The following STON1 variants were observed in gnomAD, a reference collection of about 807,000 sequenced individuals.
STON1 encodes the protein stonin 1.
In STON1, 79 loss-of-function variants were observed where a neutral mutation model predicts 60.9. The ratio of observed to expected loss-of-function variants is 1.30; its 90% confidence interval spans 1.08 to 1.56. The LOEUF (loss-of-function observed/expected upper bound fraction) is 1.56, where lower values mean the gene tolerates loss of function less well. Among genes scored for constraint, STON1 ranks in the 40% most tolerant of loss-of-function variants. The pLI, the probability that STON1 is intolerant of heterozygous loss-of-function variation, is 0.00. For synonymous variants in STON1, 363 were observed against 306.9 expected (o/e 1.18, Z -1.91); for missense variants, 1,166 against 858.9 (o/e 1.36, Z -4.47).
chr2:48,564,429 TTCTTCTTC>T (rs1672752828), intron 1 of STON1, among the ~76,000 whole-genome samples: 1 of 44,576 alleles, frequency 2.2e-5, no homozygotes, highest in Non-Finnish European at 4.9e-5. Flanking sequence ...CTTCTTCTTC[TTCTTCTTC>T]TTCTTCTTCT....
intron 1 of STON1, among the ~76,000 whole-genome samples, chr2:48,540,278 C>G (rs1039367467): frequency 2.0e-5 from 3 of 152,324 alleles, no homozygotes; most frequent in East Asian, 1.9e-4. Flanking sequence ...TAACACCCCA[C>G]AGCCCTTGTT....
At chr2:48,536,394 A>C (rs768771976) in intron 1 of STON1, among the ~76,000 whole-genome samples, 3 of 151,810 alleles carry the variant, frequency 2.0e-5, no homozygotes, top group Non-Finnish European at 2.9e-5. Flanking sequence ...CTAAAAATAC[A>C]AAAATTAGCC....
intron 1 of STON1, among the ~76,000 whole-genome samples, chr2:48,559,858 C>T (rs920967904): frequency 1.3e-5 from 2 of 152,130 alleles, no homozygotes; most frequent in African/African-American, 2.4e-5. Context: ...GTACCAGAAC[C>T]TTTGGCCAAC....
At chr2:48,580,481 A>C (rs1673808722) in intron 1 of STON1, 106 bp from the exon 2 acceptor site, 1 of 1,151,636 alleles carries the variant, frequency 8.7e-7, no homozygotes, top group Non-Finnish European at 1.1e-6. Flanking sequence ...CTTAGCCACC[A>C]ACAGAATTAT....
At chr2:48,587,186 G>A (rs1278258142) in intron 2 of STON1, among the ~76,000 whole-genome samples, 1 of 152,244 alleles carries the variant, frequency 6.6e-6, no homozygotes, top group Admixed American at 6.5e-5. Context: ...TGCAGCCGGG[G>A]TTGAGAACTA....
At position 48,579,544 on chromosome 2, in the gene STON1, T is replaced by G. The variant is rs1457796214; in HGVS notation, c.-47-1043T>G. ...GAATTTTTTAGTTTTCCTTCTATTA[T>G]TAATTTCTAGTTTTATTCCATTGTG... On this transcript the variant is annotated intron_variant, in intron 1 of 3. Transcript: ENST00000404752. 2.0e-5 allele frequency among the ~76,000 whole-genome samples: 3 copies of G among 152,124 alleles called. No homozygotes were observed. In the East Asian group the frequency reaches 5.8e-4, roughly 29 times the overall value.
chr2:48,570,843 GTTTTTTTTTT>G lies in STON1; in HGVS notation c.-47-9725_-47-9716del, dbSNP rs70946811. On this transcript the variant is annotated intron_variant, in intron 1 of 3. Coordinates refer to ENST00000404752, the MANE Select transcript of STON1 (RefSeq NM_006873.4). Reference sequence around the variant, plus strand: ...ATCTTGATGTCTCAACTGTCTCTGAGTTTTTTTTTTTTTTTTTTTTTTTTTTTTGTCTTTC... The same window carrying G: ...ATCTTGATGTCTCAACTGTCTCTGAGTTTTTTTTTTTTTTTTTTGTCTTTC... 4.0e-4 allele frequency among the ~76,000 whole-genome samples: 31 copies of G among 77,114 alleles called. No individual in the cohort carries two copies. The East Asian group carries it at 8.5e-3, about 21-fold the overall frequency. 50.6% of individuals were successfully genotyped at this position (77,114 alleles called of 152,430 possible). A position where few individuals can be genotyped will look rare whatever the true frequency, so the allele number is the denominator to read the frequency against.
chr2:48,571,312 A>G (rs943489215), intron 1 of STON1, among the ~76,000 whole-genome samples: 2 of 152,290 alleles, frequency 1.3e-5, no homozygotes, highest in Non-Finnish European at 1.5e-5. Flanking sequence ...TTTGCTTCAG[A>G]GGAAGGCAGC....
intron 1 of STON1, among the ~76,000 whole-genome samples, chr2:48,546,420 T>G (rs1281428023): frequency 6.6e-6 from 1 of 152,228 alleles, no homozygotes; most frequent in African/African-American, 2.4e-5. Context: ...CATATCAGCC[T>G]TCAAGATTTA....
intron 1 of STON1, among the ~76,000 whole-genome samples, chr2:48,564,495 CTT>C (rs1672802476): frequency 4.3e-5 from 1 of 23,252 alleles, no homozygotes; most frequent in Non-Finnish European, 8.0e-5. Context: ...TCTTCTTCTT[CTT>C]CTTCTTCTTC....
chr2:48,576,185 C>CTTTTTTTTT lies in STON1; in HGVS notation c.-47-4385_-47-4377dup, dbSNP rs34849002. On this transcript the variant is annotated intron_variant, in intron 1 of 3. Coordinates refer to ENST00000404752, the MANE Select transcript of STON1 (RefSeq NM_006873.4). ...TTGCCAAGATTTGTTGTTTTCCTTT[C>CTTTTTTTTT]TTTTTTTTTTTTTTTTTTTTTTTTT... Among the ~76,000 whole-genome samples the CTTTTTTTTT allele has an allele frequency of 1.5e-3, 95 of 63,078 alleles. 4 individuals carry two copies. The highest frequency in any genetic ancestry group is 2.5e-3 in the African/African-American group (35 of 14,000). The allele number at this position is 63,078 out of a possible 152,430, so 41.4% of individuals were successfully genotyped here. A position where few individuals can be genotyped will look rare whatever the true frequency, so the allele number is the denominator to read the frequency against.
At position 48,581,891 on chromosome 2, in the gene STON1, G is replaced by T. The variant is rs144412674; in HGVS notation, c.1258G>T (p.Val420Leu). Residue 420 changes from valine (V) to leucine (L), a missense_variant, in exon 2 of 4, where the codon GTG becomes TTG. By Grantham distance (32) the Val-to-Leu change is conservative. Transcript: ENST00000404752. ...YEEQEISLEI[V>L]DNFWGKVTKE... ...GGAGCAAGAAATTTCCTTGGAAATT[G>T]TGGACAACTTTTGGGGTAAAGTCAC... 10 of 1,614,008 alleles carry T rather than the reference G, an allele frequency of 6.2e-6. No homozygotes were observed. In the Admixed American group the frequency reaches 1.2e-4, roughly 19 times the overall value.
At chr2:48,576,081 T>A (rs1673478870) in intron 1 of STON1, among the ~76,000 whole-genome samples, 1 of 151,728 alleles carries the variant, frequency 6.6e-6, no homozygotes, top group South Asian at 2.1e-4. Context: ...TTTGAGGGCC[T>A]TCCATATTGT....
intron 1 of STON1, among the ~76,000 whole-genome samples, chr2:48,569,918 C>A (rs939969633): frequency 6.6e-6 from 1 of 152,142 alleles, no homozygotes; most frequent in Non-Finnish European, 1.5e-5. Flanking sequence ...TGGAGCAATT[C>A]AGATTTTGTG....
At chr2:48,564,444 T>C (rs1403932347) in intron 1 of STON1, among the ~76,000 whole-genome samples, 1 of 50,968 alleles carries the variant, frequency 2.0e-5, no homozygotes, top group African/African-American at 7.4e-5. Context: ...CTTCTTCTTC[T>C]TCTTCTTCTT....
At position 48,595,461 on chromosome 2, in the gene STON1, AATCTGT is replaced by A; in HGVS notation, c.*162_*167del. 1 of 601,838 alleles carries A rather than the reference AATCTGT, an allele frequency of 1.7e-6. No homozygotes were observed. The highest frequency in any genetic ancestry group is 2.9e-6 in the Non-Finnish European group (1 of 350,170). The allele number at this position is 601,838 out of a possible 1,614,324, so 37.3% of individuals were successfully genotyped here. On this transcript the variant is annotated 3_prime_UTR_variant, in exon 4 of 4. Coordinates refer to ENST00000404752, the MANE Select transcript of STON1 (RefSeq NM_006873.4). ...GAGAAGTTTAGACCTAAAACCGAAC[AATCTGT>A]ATTTTTTGCTTTTCATGTGTTTTTG...
chr2:48,583,845 G>T (rs920298776), intron 2 of STON1, among the ~76,000 whole-genome samples: 1 of 150,668 alleles, frequency 6.6e-6, no homozygotes, highest in Non-Finnish European at 1.5e-5. Context: ...TCCGCCTCTC[G>T]GGTTCAAGTG....
intron 1 of STON1, among the ~76,000 whole-genome samples, chr2:48,545,193 A>G (rs1385225957): frequency 6.6e-6 from 1 of 152,140 alleles, no homozygotes. Flanking sequence ...CTAGGTCAAC[A>G]TTTTTATTCG....
chr2:48,538,434 A>G (rs1008568483), intron 1 of STON1, among the ~76,000 whole-genome samples: 5 of 152,014 alleles, frequency 3.3e-5, no homozygotes, highest in Non-Finnish European at 5.9e-5. Context: ...TTCCTTCTTG[A>G]TTCAGTTTTG....
Sources: gnomAD v4.1 joint callset for allele counts (sites outside exome capture counted in the v4.1 genomes callset) on GRCh38, gnomAD v4.1.1 for gene constraint, MANE v1.5 for transcripts, NCBI Gene and HGNC (gene_info 2026-07-23, HGNC 2026-07-21) for gene names.